PRR14L: variants seen among roughly 807,000 people sequenced by gnomAD.
PRR14L encodes the protein proline rich 14 like.
A neutral mutation model predicts 155.0 loss-of-function variants in PRR14L; 80 were observed. The ratio of observed to expected loss-of-function variants is 0.52; its 90% CI spans 0.43 to 0.62. PRR14L has a LOEUF of 0.62. Among genes scored for constraint, PRR14L ranks in the 20% least tolerant of loss-of-function variants. PRR14L has a pLI of 0.00. For missense variants in PRR14L, 2,469 were observed against 2,548.0 expected, an observed-to-expected ratio of 0.97 and a Z score of 0.67; for synonymous variants, 883 against 916.0, an observed-to-expected ratio of 0.96 and a Z score of 0.65.
intron 3 of PRR14L, among the ~76,000 whole-genome samples, chr22:31,724,680 G>A (rs377736366): frequency 1.3e-5 from 2 of 152,172 alleles, no homozygotes; most frequent in Non-Finnish European, 2.9e-5. Context: ...TTACAGACGT[G>A]AGCCACTGTG....
At chr22:31,690,200 A>C (rs2074504308) in intron 7 of PRR14L, among the ~76,000 whole-genome samples, 1 of 152,128 alleles carries the variant, frequency 6.6e-6, no homozygotes, top group African/African-American at 2.4e-5. Context: ...TACAGGCATG[A>C]GCCACCATGC....
At chr22:31,729,942 G>A (rs570874287) in intron 2 of PRR14L, among the ~76,000 whole-genome samples, 3 of 152,084 alleles carry the variant, frequency 2.0e-5, no homozygotes, top group Admixed American at 2.0e-4. Flanking sequence ...GGGAGGCCGA[G>A]GTGGGCGGAT....
chr22:31,724,116 C>A (rs1388898075), intron 3 of PRR14L, among the ~76,000 whole-genome samples: 1 of 152,212 alleles, frequency 6.6e-6, no homozygotes, highest in Non-Finnish European at 1.5e-5. Context: ...AATCTAATGC[C>A]TGATGATCTG....
chr22:31,706,584 G>A lies in PRR14L; in HGVS notation c.5757-1858C>T, dbSNP rs566506248. Among the ~76,000 whole-genome samples the A allele has an allele frequency of 5.9e-5, 9 of 151,784 alleles. No individual in the cohort carries two copies. In the South Asian group the frequency reaches 1.0e-3, roughly 17 times the overall value. On this transcript the variant is annotated intron_variant, in intron 4 of 8. Transcript: ENST00000327423. ...GACTACAGCCACCTGCCAGGATGCC[G>A]GGTTAATTTTTGTATTCTTAGTAGA... is the stretch of plus-strand genomic sequence containing the variant.
intron 2 of PRR14L, among the ~76,000 whole-genome samples, chr22:31,729,345 G>A (rs981580520): frequency 2.0e-5 from 3 of 152,084 alleles, no homozygotes; most frequent in African/African-American, 7.2e-5. Context: ...CGGAGTAGCT[G>A]GGACTACAGG....
At position 31,725,489 on chromosome 22, in the gene PRR14L, A is replaced by C. The variant is rs776075430; in HGVS notation, c.547+49T>G. 3 of 1,223,158 alleles carry C rather than the reference A, an allele frequency of 2.5e-6. No individual in the cohort carries two copies. In the South Asian group the frequency reaches 3.9e-5, roughly 16 times the overall value. 75.8% of individuals were successfully genotyped at this position (1,223,158 alleles called of 1,614,324 possible). ...TGCAAAATGGAAGCGGAACTAAAAC[A>C]GTATTTGCAGTAAGTGGATAAAGGA... On this transcript the variant is annotated intron_variant, in intron 3 of 8. Coordinates refer to ENST00000327423, the MANE Select transcript of PRR14L (RefSeq NM_173566.3).
In PRR14L at chr22:31,705,166, T is replaced by G. The variant is rs532113088; in HGVS notation, c.5757-440A>C. ...GTCTCAGCTACTCAAGAGGCTGGGG[T>G]GAGAAGACTGCTTGAGCCCGGAAGA... On this transcript the variant is annotated intron_variant, in intron 4 of 8. Coordinates refer to ENST00000327423, the MANE Select transcript of PRR14L (RefSeq NM_173566.3). 1.0e-3 allele frequency among the ~76,000 whole-genome samples: 154 copies of G among 152,048 alleles called. 1 individual carries two copies. In the Middle Eastern group the frequency reaches 0.01, roughly 10 times the overall value.
intron 3 of PRR14L, among the ~76,000 whole-genome samples, chr22:31,721,937 G>A (rs1264361467): frequency 1.3e-5 from 2 of 152,134 alleles, no homozygotes; most frequent in East Asian, 3.9e-4. Flanking sequence ...TGTAGTAGCA[G>A]AGGTTCACTT....
At chr22:31,743,366 TTGAG>T (rs2074822528) in intron 1 of PRR14L, among the ~76,000 whole-genome samples, 1 of 152,106 alleles carries the variant, frequency 6.6e-6, no homozygotes, top group South Asian at 2.1e-4. Context: ...AGTTTCTTTC[TTGAG>T]TAATAAAAAT....
intron 4 of PRR14L, among the ~76,000 whole-genome samples, chr22:31,706,584 G>C (rs566506248): frequency 2.6e-5 from 4 of 151,666 alleles, no homozygotes; most frequent in African/African-American, 9.7e-5. Context: ...CCAGGATGCC[G>C]GGTTAATTTT....
intron 7 of PRR14L, among the ~76,000 whole-genome samples, chr22:31,694,766 C>G (rs1437258179): frequency 7.3e-6 from 1 of 137,544 alleles, no homozygotes; most frequent in Admixed American, 7.4e-5. Flanking sequence ...AAAACAAAAA[C>G]AAAAACAGAA....
rs141501485 is a variant in PRR14L, at chr22:31,709,348, G to A, written c.5756+2735C>T. 1.6e-4 allele frequency among the ~76,000 whole-genome samples: 24 copies of A among 151,588 alleles called. 1 individual carries two copies. In the East Asian group the frequency reaches 4.7e-3, roughly 30 times the overall value. On this transcript the variant is annotated intron_variant, in intron 4 of 8. Coordinates refer to ENST00000327423, the MANE Select transcript of PRR14L (RefSeq NM_173566.3). ...GCTCACTGCAACCCCGGCCTCCCAG[G>A]TTCAAGGGATCCTCCTGACTCAGCC...
At chr22:31,736,867 T>C (rs2074784626) in intron 2 of PRR14L, among the ~76,000 whole-genome samples, 1 of 151,132 alleles carries the variant, frequency 6.6e-6, no homozygotes, top group South Asian at 2.1e-4. Context: ...TGAAACCCCG[T>C]CTCTACTAAA....
intron 2 of PRR14L, among the ~76,000 whole-genome samples, chr22:31,734,934 A>C (rs2074770408): frequency 6.6e-6 from 1 of 152,246 alleles, no homozygotes; most frequent in Non-Finnish European, 1.5e-5. Context: ...CCTGGAACAA[A>C]GTCAATTCTA....
At chr22:31,686,776 T>C (rs890362868) in intron 8 of PRR14L, among the ~76,000 whole-genome samples, 1 of 152,120 alleles carries the variant, frequency 6.6e-6, no homozygotes, top group Non-Finnish European at 1.5e-5. Context: ...TATTCCATTA[T>C]AAGGAATTAA....
At position 31,682,666 on chromosome 22, in the gene PRR14L, G is replaced by C. The variant is rs2147848402; in HGVS notation, c.*2861C>G. 6.6e-6 allele frequency: 1 copy of C among 152,298 alleles called. No homozygotes were observed. The highest frequency in any genetic ancestry group is 2.1e-4 in the South Asian group (1 of 4,826). The allele number at this position is 152,298 out of a possible 1,614,324, so 9.4% of individuals were successfully genotyped here. A position where few individuals can be genotyped will look rare whatever the true frequency, so the allele number is the denominator to read the frequency against. On this transcript the variant is annotated 3_prime_UTR_variant, in exon 9 of 9. Coordinates refer to ENST00000327423, the MANE Select transcript of PRR14L (RefSeq NM_173566.3). ...GATGGGCAGAACCCTGATTAGACCT[G>C]AGATTTCTCCTCTTTCCCATATTAA...
chr22:31,686,418 TA>T (rs938164442), intron 8 of PRR14L, among the ~76,000 whole-genome samples: 4 of 147,280 alleles, frequency 2.7e-5, no homozygotes, highest in African/African-American at 1.0e-4. Flanking sequence ...GACTCATCTT[TA>T]AAAAAAAAAC....
At chr22:31,701,823 T>C in intron 6 of PRR14L, 61 bp from the exon 7 acceptor site, 1 of 1,379,852 alleles carries the variant, frequency 7.2e-7, no homozygotes, top group Non-Finnish European at 1.0e-6. Flanking sequence ...TTATATATTT[T>C]TTGAGACAAG....
At chr22:31,699,480 T>G (rs1048150703) in intron 7 of PRR14L, among the ~76,000 whole-genome samples, 1 of 152,238 alleles carries the variant, frequency 6.6e-6, no homozygotes, top group Non-Finnish European at 1.5e-5. Flanking sequence ...TCAAAGGGAA[T>G]GCTCATTGGA....
Sources: gnomAD v4.1 joint callset for allele counts (sites outside exome capture counted in the v4.1 genomes callset) on GRCh38, gnomAD v4.1.1 for gene constraint, MANE v1.5 for transcripts, NCBI Gene and HGNC (gene_info 2026-07-23, HGNC 2026-07-21) for gene names.